Variants in LINGO2 observed in about 807,000 individuals in gnomAD.
LINGO2 encodes leucine-rich repeat and immunoglobulin-like domain-containing nogo receptor-interacting protein 2.
Under a neutral mutation model 30.6 loss-of-function variants are expected in LINGO2, and 14 were observed. That is an observed-to-expected ratio of 0.46 (90% CI 0.30 to 0.72). LINGO2 has a LOEUF of 0.72. Among genes scored for constraint, LINGO2 ranks in the 30% least tolerant of loss-of-function variants. The pLI is 0.07. For synonymous variants in LINGO2, 317 were observed against 288.5 expected (o/e 1.10, Z -1.00); for missense variants, 729 against 751.7 (o/e 0.97, Z 0.35).
chr9:28,589,992 A>T (rs1824789606), intron 1 of LINGO2, among the ~76,000 whole-genome samples: 1 of 152,190 alleles, frequency 6.6e-6, no homozygotes, highest in Non-Finnish European at 1.5e-5. Context: ...GCCCTCAGAG[A>T]TAATGCTGCA....
chr9:27,990,466 C>CCCA (rs1563888316), intron 5 of LINGO2, among the ~76,000 whole-genome samples: 1 of 117,886 alleles, frequency 8.5e-6, no homozygotes, highest in Non-Finnish European at 1.9e-5. Context: ...CTCAATACCC[C>CCCA]CCCCCCTTTT....
chr9:28,067,296 G>T (rs1825342676), intron 4 of LINGO2, among the ~76,000 whole-genome samples: 1 of 152,048 alleles, frequency 6.6e-6, no homozygotes, highest in African/African-American at 2.4e-5. Flanking sequence ...ATTGAAAATA[G>T]TTGCCAATAA....
the LINGO2 span, among the ~76,000 whole-genome samples, chr9:28,718,442 C>T: frequency 6.6e-6 from 1 of 152,106 alleles, no homozygotes; most frequent in East Asian, 1.9e-4. Flanking sequence ...CCAAACATTG[C>T]TATCATACCA....
At chr9:28,223,013 G>T (rs1255489986) in intron 4 of LINGO2, among the ~76,000 whole-genome samples, 1 of 152,102 alleles carries the variant, frequency 6.6e-6, no homozygotes, top group Non-Finnish European at 1.5e-5. Flanking sequence ...ACTTGAAAAG[G>T]AGAAGAATCA....
the LINGO2 span, among the ~76,000 whole-genome samples, chr9:28,993,605 C>T: frequency 0.026 from 3,979 of 150,532 alleles, 186 homozygotes; most frequent in African/African-American, 0.074. Flanking sequence ...AACATCAATG[C>T]GAAAATCCTC....
At chr9:28,502,949 A>G (rs1819954452) in intron 1 of LINGO2, among the ~76,000 whole-genome samples, 1 of 152,118 alleles carries the variant, frequency 6.6e-6, no homozygotes, top group Admixed American at 6.6e-5. Flanking sequence ...CAGATAATGT[A>G]GGCCAAAGAC....
At chr9:28,677,726 A>T in the LINGO2 span, among the ~76,000 whole-genome samples, 14,771 of 152,162 alleles carry the variant, frequency 0.097, 934 homozygotes, top group East Asian at 0.2. Context: ...CATTTAATAA[A>T]CTGCTCTAAT....
the LINGO2 span, among the ~76,000 whole-genome samples, chr9:28,816,267 A>G: frequency 3.3e-5 from 5 of 152,254 alleles, no homozygotes; most frequent in African/African-American, 9.6e-5. Context: ...TTTAAACCAC[A>G]GAAATAAGAA....
the LINGO2 span, among the ~76,000 whole-genome samples, chr9:28,950,846 C>G: frequency 6.6e-6 from 1 of 152,054 alleles, no homozygotes; most frequent in African/African-American, 2.4e-5. Flanking sequence ...TAGATTCACA[C>G]TATCCCCATC....
At chr9:28,476,437 G>T (rs372952410) in intron 1 of LINGO2, among the ~76,000 whole-genome samples, 1 of 151,978 alleles carries the variant, frequency 6.6e-6, no homozygotes, top group African/African-American at 2.4e-5. Flanking sequence ...CACCACGCCC[G>T]GCTAATTTTT....
chr9:28,623,695 T>C (rs1295694067), intron 1 of LINGO2, among the ~76,000 whole-genome samples: 1 of 152,098 alleles, frequency 6.6e-6, no homozygotes, highest in Non-Finnish European at 1.5e-5. Flanking sequence ...TGTGCTTCCA[T>C]ATAAATTTCA....
the LINGO2 span, among the ~76,000 whole-genome samples, chr9:29,026,725 T>A: frequency 1.3e-5 from 2 of 152,162 alleles, no homozygotes; most frequent in Admixed American, 6.6e-5. Context: ...ATAATCAGTA[T>A]GGAATAGTTT....
chr9:28,050,110 G>T (rs1015953219), intron 4 of LINGO2, among the ~76,000 whole-genome samples: 1 of 150,608 alleles, frequency 6.6e-6, no homozygotes, highest in African/African-American at 2.5e-5. Flanking sequence ...AAGGAGAGAA[G>T]AGTGAGGGGT....
At chr9:28,815,246 C>G in the LINGO2 span, among the ~76,000 whole-genome samples, 1 of 152,142 alleles carries the variant, frequency 6.6e-6, no homozygotes, top group East Asian at 1.9e-4. Context: ...TGAGAAGGAG[C>G]AAATGAGAAA....
At chr9:28,061,131 T>G (rs534202749) in intron 4 of LINGO2, among the ~76,000 whole-genome samples, 3 of 151,048 alleles carry the variant, frequency 2.0e-5, no homozygotes, top group African/African-American at 7.3e-5. Context: ...TTCTAGAGGA[T>G]AAGCTCTGCA....
chr9:29,105,382 C>G, the LINGO2 span, among the ~76,000 whole-genome samples: 1 of 152,112 alleles, frequency 6.6e-6, no homozygotes, highest in Non-Finnish European at 1.5e-5. Context: ...ATGCTCATGT[C>G]ATAAAGGAAG....
chr9:28,193,512 C>A (rs1819895626), intron 4 of LINGO2, among the ~76,000 whole-genome samples: 1 of 151,988 alleles, frequency 6.6e-6, no homozygotes. Context: ...TCATAAAGAG[C>A]TAATAGATAC....
At chr9:28,312,178 A>G (rs189609981) in intron 3 of LINGO2, among the ~76,000 whole-genome samples, 6 of 137,402 alleles carry the variant, frequency 4.4e-5, no homozygotes, top group Admixed American at 2.3e-4. Context: ...CCAGATACCA[A>G]TAATTGTCTG....
At chr9:28,846,951 C>T in the LINGO2 span, among the ~76,000 whole-genome samples, 2 of 147,536 alleles carry the variant, frequency 1.4e-5, no homozygotes, top group Admixed American at 1.4e-4. Context: ...CCATCTTATG[C>T]ACCACTGTTC....
Sources: allele counts gnomAD v4.1 joint callset (sites outside exome capture counted in the v4.1 genomes callset), GRCh38; gene constraint gnomAD v4.1.1; transcripts MANE v1.5; gene names NCBI Gene and HGNC (gene_info 2026-07-23, HGNC 2026-07-21).